The following MACROD2 variants were observed in gnomAD, a reference collection of about 807,000 sequenced individuals.
The protein encoded by MACROD2 is ADP-ribose glycohydrolase MACROD2.
MACROD2 carries 36 observed loss-of-function variants against 70.4 expected under a neutral mutation model. The ratio of observed to expected loss-of-function variants is 0.51; its 90% confidence interval spans 0.39 to 0.68. The LOEUF is 0.68. Ranked by LOEUF, MACROD2 falls within the 30% of genes least tolerant of loss-of-function variation. The pLI, the probability that MACROD2 is intolerant of heterozygous loss-of-function variation, is 0.00. For synonymous variants in MACROD2, 172 were observed against 178.8 expected (o/e 0.96, Z 0.30); for missense variants, 496 against 538.4 (o/e 0.92, Z 0.78).
At chr20:14,871,911 A>T (rs572716596) in intron 5 of MACROD2, among the ~76,000 whole-genome samples, 1 of 152,276 alleles carries the variant, frequency 6.6e-6, no homozygotes, top group South Asian at 2.1e-4. Flanking sequence ...AACAAAGATT[A>T]AAAAAGACCA....
intron 4 of MACROD2, among the ~76,000 whole-genome samples, chr20:14,626,571 A>G (rs755762640): frequency 6.6e-6 from 1 of 152,126 alleles, no homozygotes; most frequent in Non-Finnish European, 1.5e-5. Context: ...GTTCTAACAC[A>G]GGGAATGCTG....
chr20:15,241,157 G>T (rs2077056736), intron 6 of MACROD2, among the ~76,000 whole-genome samples: 1 of 152,098 alleles, frequency 6.6e-6, no homozygotes, highest in South Asian at 2.1e-4. Context: ...GTACTTCCTA[G>T]GATTATTGTG....
chr20:14,852,070 G>GGGA (rs1349142162), intron 5 of MACROD2, among the ~76,000 whole-genome samples: 2 of 152,284 alleles, frequency 1.3e-5, no homozygotes, highest in East Asian at 1.9e-4. Flanking sequence ...GACTTCCAAG[G>GGGA]GGAGAGCAGA....
chr20:14,569,724 T>A (rs551239348), intron 4 of MACROD2, among the ~76,000 whole-genome samples: 4 of 151,906 alleles, frequency 2.6e-5, no homozygotes, highest in African/African-American at 4.8e-5. Flanking sequence ...GTGGCCAAAT[T>A]TATCCAGGAG....
chr20:14,251,077 C>A (rs1212706926), intron 3 of MACROD2, among the ~76,000 whole-genome samples: 1 of 152,062 alleles, frequency 6.6e-6, no homozygotes, highest in Non-Finnish European at 1.5e-5. Flanking sequence ...GCTGGCACTT[C>A]TAGATTCATA....
chr20:14,331,666 T>G (rs1186007637), intron 3 of MACROD2, among the ~76,000 whole-genome samples: 1 of 152,134 alleles, frequency 6.6e-6, no homozygotes, highest in Non-Finnish European at 1.5e-5. Flanking sequence ...ATATCTTCTC[T>G]TTCCCATTTA....
intron 3 of MACROD2, chr20:14,324,364 G>A (rs1188877809): frequency 6.6e-6 from 1 of 152,466 alleles, no homozygotes; most frequent in African/African-American, 2.4e-5. Context: ...TCAGTAGGAA[G>A]CTAGAAGGAA....
intron 5 of MACROD2, among the ~76,000 whole-genome samples, chr20:14,736,587 T>C (rs926477011): frequency 3.9e-5 from 6 of 152,190 alleles, no homozygotes; most frequent in Non-Finnish European, 7.3e-5. Context: ...AGTGATATCA[T>C]TAATATCAGT....
chr20:15,365,786 A>G (rs1287742855), intron 6 of MACROD2, among the ~76,000 whole-genome samples: 1 of 152,240 alleles, frequency 6.6e-6, no homozygotes, highest in African/African-American at 2.4e-5. Flanking sequence ...TCTTTAAAAA[A>G]GAGAAAATTG....
At chr20:15,658,319 C>T (rs1329473393) in intron 8 of MACROD2, among the ~76,000 whole-genome samples, 1 of 150,522 alleles carries the variant, frequency 6.6e-6, no homozygotes, top group Non-Finnish European at 1.5e-5. Flanking sequence ...CATGTATGTC[C>T]TTAAACACAT....
At chr20:15,710,776 C>A (rs954335637) in intron 8 of MACROD2, among the ~76,000 whole-genome samples, 4 of 152,078 alleles carry the variant, frequency 2.6e-5, no homozygotes, top group Non-Finnish European at 5.9e-5. Flanking sequence ...CTGTTTTTGG[C>A]GGAAATTGTC....
intron 3 of MACROD2, among the ~76,000 whole-genome samples, chr20:14,168,134 G>A (rs892598074): frequency 3.3e-5 from 5 of 152,086 alleles, no homozygotes; most frequent in Admixed American, 2.6e-4. Context: ...TGAAAATAAT[G>A]TAAACATTTT....
At chr20:14,891,573 G>T (rs1019395456) in intron 5 of MACROD2, among the ~76,000 whole-genome samples, 2 of 152,066 alleles carry the variant, frequency 1.3e-5, no homozygotes, top group African/African-American at 2.4e-5. Flanking sequence ...ATAAATATGT[G>T]TTGGTTTCAT....
At chr20:14,881,631 C>A (rs570383487) in intron 5 of MACROD2, among the ~76,000 whole-genome samples, 1 of 152,198 alleles carries the variant, frequency 6.6e-6, no homozygotes, top group South Asian at 2.1e-4. Flanking sequence ...ACTTGGTTTT[C>A]ATGCTGACAG....
intron 2 of MACROD2, among the ~76,000 whole-genome samples, chr20:14,019,028 G>T (rs1601119613): frequency 6.6e-6 from 1 of 152,216 alleles, no homozygotes; most frequent in East Asian, 1.9e-4. Context: ...CAGGGACCTT[G>T]ACCCTTAAAT....
At chr20:14,908,139 T>A (rs1467538277) in intron 5 of MACROD2, among the ~76,000 whole-genome samples, 3 of 151,860 alleles carry the variant, frequency 2.0e-5, no homozygotes, top group Non-Finnish European at 4.4e-5. Flanking sequence ...ATGTCAGGAA[T>A]TCGAGACCAG....
chr20:14,299,606 T>C (rs898199330), intron 3 of MACROD2, among the ~76,000 whole-genome samples: 6 of 152,198 alleles, frequency 3.9e-5, no homozygotes, highest in Non-Finnish European at 7.3e-5. Context: ...GAGAGGACTT[T>C]TGGTGGTCTA....
chr20:14,388,215 T>C (rs2083488955), intron 3 of MACROD2, among the ~76,000 whole-genome samples: 1 of 152,048 alleles, frequency 6.6e-6, no homozygotes, highest in African/African-American at 2.4e-5. Context: ...GGTTTCACTG[T>C]GTTCGCCAGG....
intron 8 of MACROD2, among the ~76,000 whole-genome samples, chr20:15,584,692 G>A (rs540066292): frequency 6.6e-6 from 1 of 152,144 alleles, no homozygotes; most frequent in East Asian, 1.9e-4. Context: ...GTACCCACAG[G>A]GGGCACTGGT....
Sources: gnomAD v4.1 joint callset for allele counts (sites outside exome capture counted in the v4.1 genomes callset) on GRCh38, gnomAD v4.1.1 for gene constraint, MANE v1.5 for transcripts, NCBI Gene and HGNC (gene_info 2026-07-23, HGNC 2026-07-21) for gene names.